HNRNPA2B1: variants seen among roughly 807,000 people sequenced by gnomAD.
HNRNPA2B1 encodes the protein heterogeneous nuclear ribonucleoprotein A2/B1.
HNRNPA2B1 carries 3 observed loss-of-function variants against 46.3 expected under a neutral mutation model. The ratio of observed to expected loss-of-function variants is 0.06; its 90% CI spans 0.03 to 0.17. The LOEUF (loss-of-function observed/expected upper bound fraction) is 0.17, where lower values mean the gene tolerates loss of function less well. Among genes scored for constraint, HNRNPA2B1 ranks in the 10% least tolerant of loss-of-function variants. The pLI is 1.00. For synonymous variants in HNRNPA2B1, 225 were observed against 133.8 expected (o/e 1.68, Z -4.70); for missense variants, 221 against 418.9 (o/e 0.53, Z 4.12).
At position 26,193,704 on chromosome 7, in the gene HNRNPA2B1, A is replaced by G. The variant is rs765436421; in HGVS notation, c.722-10T>C. 1.2e-6 allele frequency: 2 copies of G among 1,609,044 alleles called. No homozygotes were observed. Among genetic ancestry groups the G allele is most frequent in the South Asian group, 2.2e-5 (2 of 90,630 alleles). ...CCTCCAAAATTGCCACCTATTATAA[A>G]ATAAGCCTTTAAGTAATCACTTAAT... On this transcript the variant is annotated splice_polypyrimidine_tract_variant and intron_variant, in intron 7 of 10. Transcript: ENST00000618183.
chr7:26,194,569 G>C (rs901163034), intron 7 of HNRNPA2B1, among the ~76,000 whole-genome samples: 1 of 151,492 alleles, frequency 6.6e-6, no homozygotes, highest in Non-Finnish European at 1.5e-5. Context: ...GGTCATGGTG[G>C]CACACCCCGT....
intron 4 of HNRNPA2B1, 26 bp from the exon 5 acceptor site, chr7:26,196,684 T>G (rs1004631776): frequency 1.9e-6 from 3 of 1,593,044 alleles, no homozygotes; most frequent in Non-Finnish European, 2.6e-6. Context: ...CAGACTCCTT[T>G]TAAATTAAAT....
chr7:26,193,466 A>G, intron 8 of HNRNPA2B1, 93 bp from the exon 9 acceptor site: 4 of 1,529,772 alleles, frequency 2.6e-6, no homozygotes, highest in Non-Finnish European at 3.5e-6. Context: ...GCAAACACTT[A>G]TCCACAAATT....
Position 26,195,990 on chromosome 7 carries a change from A to G in HNRNPA2B1, c.659-81T>C, listed in dbSNP as rs1211826354. On this transcript the variant is annotated intron_variant, in intron 6 of 10. Coordinates refer to ENST00000618183, the MANE Select transcript of HNRNPA2B1 (RefSeq NM_002137.4). ...AATATTCATTTTCAGTTCTCTTACT[A>G]CCTCAGCACAATAATTAAGAACCGC... The G allele has an allele frequency of 4.7e-6, 7 of 1,503,504 alleles. No individual in the cohort carries two copies. The South Asian group carries it at 5.4e-5, about 12-fold the overall frequency. The allele number at this position is 1,503,504 out of a possible 1,614,324, so 93.1% of individuals were successfully genotyped here.
Position 26,190,080 on chromosome 7 carries a change from T to C in HNRNPA2B1, c.*2280A>G, listed in dbSNP as rs1562689190. 1 of 152,698 alleles carries C rather than the reference T, an allele frequency of 6.5e-6. No homozygotes were observed. The highest frequency in any genetic ancestry group is 1.9e-4 in the East Asian group (1 of 5,190). The allele number at this position is 152,698 out of a possible 1,614,324, so 9.5% of individuals were successfully genotyped here. On this transcript the variant is annotated 3_prime_UTR_variant, in exon 11 of 11. Transcript: ENST00000618183. ...GATCTTTTAGACAACCAAATATTTA[T>C]AGAACAAGATTCACACATTTTATGT...
chr7:26,200,429 G>A (rs755194084), intron 1 of HNRNPA2B1, 143 bp downstream of exon 1: 32 of 838,218 alleles, frequency 3.8e-5, no homozygotes, highest in Admixed American at 2.6e-4. Flanking sequence ...TCAAGACCCC[G>A]TTCATAAACC....
chr7:26,198,099 T>C, intron 1 of HNRNPA2B1: 1 of 368,222 alleles, frequency 2.7e-6, no homozygotes, highest in Non-Finnish European at 4.8e-6. Flanking sequence ...TAAAGAATCT[T>C]TACCAAAAAT....
chr7:26,192,721 C>T (rs759095661), intron 9 of HNRNPA2B1, 144 bp from the exon 10 acceptor site: 76 of 696,648 alleles, frequency 1.1e-4, no homozygotes, highest in Middle Eastern at 2.5e-4. Flanking sequence ...AGCAGAATTA[C>T]TCAGGAGATA....
intron 4 of HNRNPA2B1, 73 bp downstream of exon 4, chr7:26,196,734 A>C (rs913284813): frequency 6.4e-7 from 1 of 1,562,674 alleles, no homozygotes; most frequent in Non-Finnish European, 8.8e-7. Context: ...CCTTTCAATA[A>C]AGTTACAGAT....
intron 1 of HNRNPA2B1, chr7:26,198,339 ATATTT>A (rs1400494449): frequency 6.5e-6 from 1 of 152,792 alleles, no homozygotes; most frequent in Non-Finnish European, 1.5e-5. Flanking sequence ...AGTTACGAAA[ATATTT>A]AAAGATATGC....
chr7:26,195,742 A>G lies in HNRNPA2B1; in HGVS notation c.721+105T>C. 6.4e-6 allele frequency: 8 copies of G among 1,257,988 alleles called. No individual in the cohort carries two copies. The South Asian group carries it at 1.0e-4, about 16-fold the overall frequency. The allele number at this position is 1,257,988 out of a possible 1,614,324, so 77.9% of individuals were successfully genotyped here. A position where few individuals can be genotyped will look rare whatever the true frequency, so the allele number is the denominator to read the frequency against. Reference sequence around the variant, plus strand: ...CCACTATCACCCAAGCCATTTATAGACACTAATATAAAATGTTTAAAAACT... The same window carrying G: ...CCACTATCACCCAAGCCATTTATAGGCACTAATATAAAATGTTTAAAAACT... On this transcript the variant is annotated intron_variant, in intron 7 of 10. Transcript: ENST00000618183.
intron 7 of HNRNPA2B1, 75 bp from the exon 8 acceptor site, chr7:26,193,769 T>G (rs1177179355): frequency 3.2e-6 from 4 of 1,240,478 alleles, no homozygotes; most frequent in Non-Finnish European, 4.6e-6. Context: ...CACATCCATT[T>G]CCAGCTTTCC....
At position 26,190,227 on chromosome 7, in the gene HNRNPA2B1, C is replaced by G. The variant is rs1475938608; in HGVS notation, c.*2133G>C. The G allele has an allele frequency of 1.3e-5, 2 of 152,600 alleles. No homozygotes were observed. The highest frequency in any genetic ancestry group is 2.9e-5 in the Non-Finnish European group (2 of 68,012). The allele number at this position is 152,600 out of a possible 1,614,324, so 9.5% of individuals were successfully genotyped here. A position where few individuals can be genotyped will look rare whatever the true frequency, so the allele number is the denominator to read the frequency against. ...TTTAAAACATGATACATTTATCTCT[C>G]TAGCCAATTTGATGTTACTGTTTTA... On this transcript the variant is annotated 3_prime_UTR_variant, in exon 11 of 11. Transcript: ENST00000618183.
At chr7:26,195,274 T>C (rs942260963) in intron 7 of HNRNPA2B1, among the ~76,000 whole-genome samples, 10 of 152,196 alleles carry the variant, frequency 6.6e-5, no homozygotes, top group Non-Finnish European at 7.3e-5. Context: ...ATCAAGTCTA[T>C]TACCAGCTCA....
chr7:26,197,831 C>T, intron 1 of HNRNPA2B1, 99 bp from the exon 2 acceptor site: 1 of 1,605,336 alleles, frequency 6.2e-7, no homozygotes, highest in Non-Finnish European at 8.5e-7. Context: ...GGCAGAGTAC[C>T]TTTTTCCTCT....
intron 7 of HNRNPA2B1, among the ~76,000 whole-genome samples, chr7:26,194,746 G>C (rs1217083093): frequency 6.6e-6 from 1 of 150,838 alleles, no homozygotes; most frequent in Non-Finnish European, 1.5e-5. Flanking sequence ...ACTGTAAATA[G>C]AAGTGCGGAC....
chr7:26,199,537 ACTT>A (rs1784104042), intron 1 of HNRNPA2B1: 1 of 152,232 alleles, frequency 6.6e-6, no homozygotes, highest in African/African-American at 2.4e-5. Flanking sequence ...TAAGGGTTAA[ACTT>A]CTCAGTAACA....
At chr7:26,199,613 C>T (rs1784119708) in intron 1 of HNRNPA2B1, 1 of 152,170 alleles carries the variant, frequency 6.6e-6, no homozygotes, top group Admixed American at 6.5e-5. Flanking sequence ...GTAAAGGATT[C>T]TGACGCGAAT....
At chr7:26,193,059 C>T (rs557744949) in intron 9 of HNRNPA2B1, among the ~76,000 whole-genome samples, 192 bp downstream of exon 9, 1 of 152,100 alleles carries the variant, frequency 6.6e-6, no homozygotes, top group Non-Finnish European at 1.5e-5. Context: ...ATCCCTAATC[C>T]CAATTTGATG....
Sources: gnomAD v4.1 joint callset for allele counts (sites outside exome capture counted in the v4.1 genomes callset) on GRCh38, gnomAD v4.1.1 for gene constraint, MANE v1.5 for transcripts, NCBI Gene and HGNC (gene_info 2026-07-23, HGNC 2026-07-21) for gene names.